The following PLPP4 variants were observed in gnomAD, a reference collection of about 807,000 sequenced individuals.
PLPP4 encodes phospholipid phosphatase 4, also known as diacylglycerol pyrophosphate like 2.
In PLPP4, 20 loss-of-function variants were observed where a neutral mutation model predicts 32.2. The ratio of observed to expected loss-of-function variants is 0.62; its 90% CI spans 0.44 to 0.90. The LOEUF (loss-of-function observed/expected upper bound fraction) is 0.90, where lower values mean the gene tolerates loss of function less well. Ranked by LOEUF, PLPP4 falls within the 40% of genes least tolerant of loss-of-function variation. The pLI is 0.00. For missense variants in PLPP4, 257 were observed against 353.1 expected (o/e 0.73, Z 2.18); for synonymous variants, 127 against 133.0 (o/e 0.95, Z 0.31).
At chr10:120,500,921 A>G (rs186177468) in intron 1 of PLPP4, among the ~76,000 whole-genome samples, 13 of 152,338 alleles carry the variant, frequency 8.5e-5, no homozygotes, top group Non-Finnish European at 1.6e-4. Context: ...AGCCAAATGC[A>G]AATCAAATCC....
intron 1 of PLPP4, among the ~76,000 whole-genome samples, chr10:120,502,330 G>A (rs1001114895): frequency 5.3e-5 from 8 of 152,132 alleles, no homozygotes; most frequent in African/African-American, 1.7e-4. Flanking sequence ...TCAGAGTTAG[G>A]GGAGGCAGGG....
intron 1 of PLPP4, among the ~76,000 whole-genome samples, chr10:120,474,523 T>C (rs977167345): frequency 2.6e-5 from 4 of 152,180 alleles, no homozygotes; most frequent in African/African-American, 9.6e-5. Flanking sequence ...AAATACTTGG[T>C]TCCTGGATAT....
intron 1 of PLPP4, among the ~76,000 whole-genome samples, chr10:120,479,053 C>T (rs942611659): frequency 2.0e-4 from 31 of 152,072 alleles, no homozygotes; most frequent in African/African-American, 7.0e-4. Context: ...GGTGAAACCC[C>T]ATCTCTACTA....
chr10:120,581,041 C>T (rs553888518), intron 6 of PLPP4: 2 of 1,287,804 alleles, frequency 1.6e-6, no homozygotes, highest in Admixed American at 2.3e-5. Context: ...TAAGAAGCCT[C>T]AGCCCCTGGC....
intron 5 of PLPP4, among the ~76,000 whole-genome samples, chr10:120,573,611 G>C (rs1412917169): frequency 6.6e-6 from 1 of 152,162 alleles, no homozygotes; most frequent in Non-Finnish European, 1.5e-5. Context: ...CTATTCTTCT[G>C]TACTGATCAT....
At chr10:120,488,969 A>G (rs1844584117) in intron 1 of PLPP4, among the ~76,000 whole-genome samples, 1 of 152,194 alleles carries the variant, frequency 6.6e-6, no homozygotes, top group Non-Finnish European at 1.5e-5. Context: ...GGTTTGAGAT[A>G]AGATGTAAGA....
chr10:120,530,282 C>T lies in PLPP4; in HGVS notation c.445+9187C>T, dbSNP rs186167644. Among the ~76,000 whole-genome samples the T allele has an allele frequency of 2.4e-4, 36 of 152,272 alleles. No homozygotes were observed. The East Asian group carries it at 4.8e-3, about 20-fold the overall frequency. On this transcript the variant is annotated intron_variant, in intron 5 of 6. Transcript: ENST00000398250. ...ACCGAAATCTCTCTTATGTCCATGT[C>T]CAGTCAATCTTCATCCCCATGAGGC...
chr10:120,474,118 T>C (rs1843792817), intron 1 of PLPP4, among the ~76,000 whole-genome samples: 1 of 152,174 alleles, frequency 6.6e-6, no homozygotes, highest in South Asian at 2.1e-4. Context: ...TGGATTTATG[T>C]TTATGTTTTT....
chr10:120,524,932 T>TAA (rs57469511), intron 5 of PLPP4, among the ~76,000 whole-genome samples: 17,159 of 152,172 alleles, frequency 0.11, 1,957 homozygotes, highest in African/African-American at 0.29. Flanking sequence ...AGGATAGATA[T>TAA]GAGAGAAAAA....
intron 5 of PLPP4, among the ~76,000 whole-genome samples, chr10:120,546,787 G>T (rs1389362090): frequency 1.3e-5 from 2 of 152,180 alleles, no homozygotes; most frequent in African/African-American, 2.4e-5. Context: ...TGATTATCAA[G>T]ATCCACATTT....
chr10:120,564,843 TG>T, intron 5 of PLPP4, among the ~76,000 whole-genome samples: 1 of 152,256 alleles, frequency 6.6e-6, no homozygotes, highest in African/African-American at 2.4e-5. Flanking sequence ...ATTTTATGTA[TG>T]TATTTAAAAA....
rs183819321 is a variant in PLPP4 at position 120,546,482 on chromosome 10, T to C, written c.445+25387T>C. Among the ~76,000 whole-genome samples the C allele has an allele frequency of 9.9e-4, 151 of 152,326 alleles. 1 individual carries two copies. Among genetic ancestry groups the C allele is most frequent in the Admixed American group, 9.3e-3 (142 of 15,300 alleles). The stretch of plus-strand genomic sequence containing the variant: ...CCTTTAATAACTCGCTGGGGAATTC[T>C]AACCTGGAGATTTTCCCAAAGCATG... On this transcript the variant is annotated intron_variant, in intron 5 of 6. Coordinates refer to ENST00000398250, the MANE Select transcript of PLPP4 (RefSeq NM_001030059.3).
intron 1 of PLPP4, among the ~76,000 whole-genome samples, chr10:120,463,754 T>C (rs1848182992): frequency 6.6e-6 from 1 of 151,524 alleles, no homozygotes; most frequent in Non-Finnish European, 1.5e-5. Context: ...GGCACAACCA[T>C]AGCTATTCTC....
chr10:120,462,958 C>T (rs1848128059), intron 1 of PLPP4, among the ~76,000 whole-genome samples: 1 of 151,176 alleles, frequency 6.6e-6, no homozygotes, highest in Admixed American at 6.6e-5. Flanking sequence ...ACCATCAGTC[C>T]TTTCTATGTA....
At chr10:120,588,083 G>T (rs35860359) in intron 6 of PLPP4, among the ~76,000 whole-genome samples, 7,664 of 152,294 alleles carry the variant, frequency 0.05, 266 homozygotes, top group Middle Eastern at 0.15. Flanking sequence ...AATTCTTTTG[G>T]GGAAAATGGG....
intron 3 of PLPP4, among the ~76,000 whole-genome samples, chr10:120,514,699 T>C (rs756045782): frequency 2.0e-5 from 3 of 152,166 alleles, no homozygotes; most frequent in Non-Finnish European, 2.9e-5. Context: ...CATTAAGAGA[T>C]AGCCAAAACG....
intron 1 of PLPP4, among the ~76,000 whole-genome samples, chr10:120,490,499 T>G (rs1400089135): frequency 6.6e-6 from 1 of 152,254 alleles, no homozygotes; most frequent in African/African-American, 2.4e-5. Context: ...TGTGGGAAGC[T>G]GCATTCCAGA....
At chr10:120,534,105 G>T (rs1025996995) in intron 5 of PLPP4, among the ~76,000 whole-genome samples, 3 of 152,090 alleles carry the variant, frequency 2.0e-5, no homozygotes, top group African/African-American at 7.2e-5. Context: ...GGGATCACTT[G>T]TTTGTGGTCT....
chr10:120,549,696 G>T (rs1221006700), intron 5 of PLPP4, among the ~76,000 whole-genome samples: 1 of 151,950 alleles, frequency 6.6e-6, no homozygotes, highest in Admixed American at 6.6e-5. Flanking sequence ...TGATTTAAAA[G>T]TTGAAAATCA....
Sources: gnomAD v4.1 joint callset for allele counts (sites outside exome capture counted in the v4.1 genomes callset) on GRCh38, gnomAD v4.1.1 for gene constraint, MANE v1.5 for transcripts, NCBI Gene and HGNC (gene_info 2026-07-23, HGNC 2026-07-21) for gene names.